The following FAM120B variants were observed in gnomAD, a reference collection of about 807,000 sequenced individuals.
FAM120B encodes family with sequence similarity 120 member B, also known as constitutive coactivator of peroxisome proliferator-activated receptor gamma.
FAM120B carries 83 observed loss-of-function variants against 96.3 expected under a neutral mutation model. The observed-to-expected ratio is 0.86, with a 90% CI of 0.72 to 1.03. FAM120B has a LOEUF of 1.03. Ranked by LOEUF, FAM120B falls within the 50% of genes least tolerant of loss-of-function variation. The probability of loss-of-function intolerance (pLI) is 0.00; values close to 1 mark genes in which losing one functional copy is unlikely to be tolerated. For missense variants in FAM120B, 1,027 were observed against 1,121.2 expected (o/e 0.92, Z 1.20); for synonymous variants, 407 against 402.7 (o/e 1.01, Z -0.13).
chr6:170,377,065 G>C, intron 6 of FAM120B, among the ~76,000 whole-genome samples: 1 of 138,762 alleles, frequency 7.2e-6, no homozygotes, highest in Non-Finnish European at 1.6e-5. Flanking sequence ...CCAGACGCCT[G>C]GGAGAACACA....
chr6:170,352,761 A>G (rs1787661460), intron 5 of FAM120B, among the ~76,000 whole-genome samples: 1 of 152,198 alleles, frequency 6.6e-6, no homozygotes, highest in African/African-American at 2.4e-5. Context: ...GTTAAGAGGG[A>G]AATTTATAGC....
At chr6:170,382,722 G>A (rs1212840705) in intron 6 of FAM120B, among the ~76,000 whole-genome samples, 3 of 152,204 alleles carry the variant, frequency 2.0e-5, no homozygotes, top group Non-Finnish European at 4.4e-5. Flanking sequence ...GTTCCCTCCA[G>A]ACTGATGTAC....
In FAM120B at chr6:170,318,597, A is replaced by G. The variant is rs1488782909; in HGVS notation, c.1207A>G (p.Met403Val). The G allele has an allele frequency of 2.5e-6, 4 of 1,573,866 alleles. No individual in the cohort carries two copies. The highest frequency in any genetic ancestry group is 2.3e-5 in the South Asian group (2 of 87,044). Residue 403 changes from methionine to valine, a missense_variant, in exon 2 of 11, where the codon ATG (methionine) becomes GTG (valine). Met to Val is a conservative substitution (Grantham distance 21). Coordinates refer to ENST00000476287, the MANE Select transcript of FAM120B (RefSeq NM_032448.3). ...CCCTGAATCCAGGCGAGAAGTTCCC[A>G]TGTGTTCAGACCCTGAACCCAGGCA... ...TGPESRREVP[M>V]CSDPEPRQEV...
intron 8 of FAM120B, among the ~76,000 whole-genome samples, chr6:170,391,373 A>G (rs1204676408): frequency 1.3e-5 from 2 of 152,262 alleles, no homozygotes; most frequent in Non-Finnish European, 2.9e-5. Flanking sequence ...CGTCTCTACT[A>G]AAAATACAAA....
chr6:170,385,252 CA>C (rs2115301716), intron 6 of FAM120B, among the ~76,000 whole-genome samples: 1 of 152,242 alleles, frequency 6.6e-6, no homozygotes, highest in African/African-American at 2.4e-5. Flanking sequence ...GCAGAAACCA[CA>C]GTGGGCATTA....
At chr6:170,376,576 G>A (rs1013944648) in intron 6 of FAM120B, among the ~76,000 whole-genome samples, 8 of 152,150 alleles carry the variant, frequency 5.3e-5, no homozygotes, top group African/African-American at 1.9e-4. Context: ...CGGTATGCAA[G>A]AAAAGACCGG....
intron 6 of FAM120B, among the ~76,000 whole-genome samples, chr6:170,378,243 T>TAGC (rs1789692312): frequency 2.0e-5 from 3 of 152,222 alleles, no homozygotes; most frequent in Admixed American, 1.3e-4. Flanking sequence ...ATACCCAGAA[T>TAGC]AGCTGTAGCA....
chr6:170,310,606 A>G (rs1659041221), intron 1 of FAM120B, among the ~76,000 whole-genome samples: 1 of 152,192 alleles, frequency 6.6e-6, no homozygotes, highest in African/African-American at 2.4e-5. Flanking sequence ...CTGCCTCCCC[A>G]AAGTGACTCC....
chr6:170,392,918 T>C (rs944794413), intron 8 of FAM120B, among the ~76,000 whole-genome samples: 3 of 152,136 alleles, frequency 2.0e-5, no homozygotes, highest in African/African-American at 7.2e-5. Context: ...CAACTATAGA[T>C]AGACAGAGAT....
chr6:170,312,886 G>A (rs1414485137), intron 1 of FAM120B, among the ~76,000 whole-genome samples: 3 of 152,212 alleles, frequency 2.0e-5, no homozygotes, highest in East Asian at 3.8e-4. Context: ...AGACATCAGG[G>A]ATAGGGAAAT....
chr6:170,290,902 G>T (rs1445790686), upstream of FAM120B: 5 of 694,240 alleles, frequency 7.2e-6, no homozygotes, highest in Admixed American at 1.0e-4. The surrounding 1 kb of genome is among the most constrained non-coding windows in gnomAD (Gnocchi z 4.7). Flanking sequence ...GCCGGGTCGG[G>T]TCTCCGCGGG....
At chr6:170,398,723 G>T (rs947343086) in intron 9 of FAM120B, among the ~76,000 whole-genome samples, 59 of 147,886 alleles carry the variant, frequency 4.0e-4, no homozygotes, top group African/African-American at 1.4e-3. Flanking sequence ...GTAGAACTAT[G>T]TCATAACTCT....
At chr6:170,386,076 G>A (rs543144132) in intron 6 of FAM120B, among the ~76,000 whole-genome samples, 3 of 152,080 alleles carry the variant, frequency 2.0e-5, no homozygotes, top group South Asian at 2.1e-4. Context: ...GTCCAAACTC[G>A]CAGAATGTAC....
chr6:170,333,230 G>A (rs1268618311), intron 4 of FAM120B, among the ~76,000 whole-genome samples: 2 of 151,084 alleles, frequency 1.3e-5, no homozygotes, highest in Non-Finnish European at 2.9e-5. Flanking sequence ...GGGAGGTGGG[G>A]CCTTTGGGAG....
intron 6 of FAM120B, among the ~76,000 whole-genome samples, chr6:170,369,681 T>C (rs943861540): frequency 4.0e-5 from 6 of 151,154 alleles, no homozygotes; most frequent in Non-Finnish European, 8.9e-5. Context: ...CTCAGCAAAC[T>C]TAGGGTAGTT....
intron 5 of FAM120B, among the ~76,000 whole-genome samples, chr6:170,353,130 T>C (rs915304634): frequency 1.3e-5 from 2 of 152,178 alleles, no homozygotes. Flanking sequence ...CTAGATGACA[T>C]TGATAAATTC....
chr6:170,347,987 T>G (rs1478206927), intron 4 of FAM120B, among the ~76,000 whole-genome samples, 164 bp from the exon 5 acceptor site: 1 of 152,244 alleles, frequency 6.6e-6, no homozygotes. Context: ...CCTTTAGGTT[T>G]GGGCTTTTTA....
At chr6:170,378,190 A>G (rs1454172862) in intron 6 of FAM120B, among the ~76,000 whole-genome samples, 2 of 152,236 alleles carry the variant, frequency 1.3e-5, no homozygotes, top group Non-Finnish European at 2.9e-5. Context: ...AGGTGTTGAA[A>G]GAACGCTCTT....
chr6:170,401,285 T>C (rs918409462), intron 9 of FAM120B, among the ~76,000 whole-genome samples: 1 of 152,176 alleles, frequency 6.6e-6, no homozygotes, highest in Non-Finnish European at 1.5e-5. Flanking sequence ...TGGCAGCTCC[T>C]TGGGGCAGGC....
Sources: allele counts gnomAD v4.1 joint callset (sites outside exome capture counted in the v4.1 genomes callset), GRCh38; gene constraint gnomAD v4.1.1; non-coding constraint Gnocchi (gnomAD v3.1); transcripts MANE v1.5; gene names NCBI Gene and HGNC (gene_info 2026-07-23, HGNC 2026-07-21).